GPLD1: variants seen among roughly 807,000 people sequenced by gnomAD.
The protein encoded by GPLD1 is phosphatidylinositol-glycan-specific phospholipase D.
GPLD1 carries 84 observed loss-of-function variants against 112.6 expected under a neutral mutation model. The observed-to-expected ratio is 0.75, with a 90% CI of 0.63 to 0.89. The LOEUF is 0.89. Among genes scored for constraint, GPLD1 ranks in the 40% least tolerant of loss-of-function variants. GPLD1 has a pLI of 0.00. For missense variants in GPLD1, 1,044 were observed against 1,051.5 expected (o/e 0.99, Z 0.10); for synonymous variants, 386 against 403.8 (o/e 0.96, Z 0.53).
At chr6:24,463,355 T>A (rs1210978233) in intron 10 of GPLD1, among the ~76,000 whole-genome samples, 2 of 152,176 alleles carry the variant, frequency 1.3e-5, no homozygotes, top group Non-Finnish European at 2.9e-5. Flanking sequence ...AAGAAGAGTA[T>A]TCTGGAATGA....
chr6:24,466,143 C>T (rs923023475), intron 10 of GPLD1, among the ~76,000 whole-genome samples: 3 of 152,242 alleles, frequency 2.0e-5, no homozygotes, highest in Admixed American at 2.0e-4. Flanking sequence ...CCAGGAGTTT[C>T]AGGCCAGCCT....
intron 24 of GPLD1, among the ~76,000 whole-genome samples, chr6:24,432,745 T>A (rs565173527): frequency 1.3e-5 from 2 of 152,162 alleles, no homozygotes; most frequent in African/African-American, 2.4e-5. Context: ...GGCATCAGTC[T>A]CCAAAGCAAC....
chr6:24,470,978 C>T (rs192647226), intron 7 of GPLD1, among the ~76,000 whole-genome samples: 1 of 152,132 alleles, frequency 6.6e-6, no homozygotes, highest in South Asian at 2.1e-4. Flanking sequence ...CAAAGTTTTT[C>T]TTGGAACATG....
At chr6:24,479,485 G>A (rs1037817738) in intron 3 of GPLD1, among the ~76,000 whole-genome samples, 2 of 152,194 alleles carry the variant, frequency 1.3e-5, no homozygotes, top group African/African-American at 4.8e-5. Context: ...AGGGCAGGCA[G>A]GACAATCCAG....
chr6:24,428,867 C>G lies in GPLD1; in HGVS notation c.*165G>C. On this transcript the variant is annotated 3_prime_UTR_variant, in exon 25 of 25. Transcript: ENST00000230036. Reference sequence around the variant, plus strand: ...GTCATATATTTACTGTATCAGATTTCCAGAGGGTGTGGCTGTTAGTGTGTC... The same window carrying G: ...GTCATATATTTACTGTATCAGATTTGCAGAGGGTGTGGCTGTTAGTGTGTC... 1 of 487,108 alleles carries G rather than the reference C, an allele frequency of 2.1e-6. No individual in the cohort carries two copies. The highest frequency in any genetic ancestry group is 3.7e-6 in the Non-Finnish European group (1 of 270,974). 30.2% of individuals were successfully genotyped at this position (487,108 alleles called of 1,614,324 possible).
At chr6:24,468,629 C>T (rs189541973) in intron 7 of GPLD1, among the ~76,000 whole-genome samples, 37 of 151,952 alleles carry the variant, frequency 2.4e-4, no homozygotes, top group African/African-American at 8.9e-4. Flanking sequence ...TATCGGTTCA[C>T]CGCAACCTCC....
upstream of GPLD1, among the ~76,000 whole-genome samples, chr6:24,494,281 G>A (rs1264204286): frequency 6.6e-6 from 1 of 152,142 alleles, no homozygotes; most frequent in Non-Finnish European, 1.5e-5. Context: ...TTTTATAAGT[G>A]ACTGGACTAA....
intron 11 of GPLD1, among the ~76,000 whole-genome samples, chr6:24,461,910 T>C (rs1763450314): frequency 6.6e-6 from 1 of 152,200 alleles, no homozygotes; most frequent in African/African-American, 2.4e-5. Flanking sequence ...ATACACATAT[T>C]TGTAATATTA....
chr6:24,471,267 G>T (rs1763809221), intron 7 of GPLD1, among the ~76,000 whole-genome samples: 3 of 152,150 alleles, frequency 2.0e-5, no homozygotes, highest in African/African-American at 7.2e-5. Context: ...GGCCAAGGTG[G>T]GCGGATCACT....
chr6:24,454,283 C>A, intron 13 of GPLD1, 82 bp from the exon 14 acceptor site: 2 of 966,508 alleles, frequency 2.1e-6, no homozygotes, highest in Non-Finnish European at 2.9e-6. Context: ...CTTTCTAGAG[C>A]CCAGTCCATT....
rs752115357 is a variant in GPLD1 at position 24,433,233 on chromosome 6, C to T, written c.2390G>A (p.Ser797Asn). The change falls in exon 24 of 25, where the codon AGC becomes AAC. Residue 797 changes from serine (S) to asparagine (N), a missense_variant. By Grantham distance (46) the Ser-to-Asn change is conservative. Coordinates refer to ENST00000230036, the MANE Select transcript of GPLD1 (RefSeq NM_001503.4). ...GATGAGGGAGCTCCCAAACCTTGAGCTGGCCTGTAAAACATGCCGTCTGTT... is the reference window on the plus strand; with the variant it reads ...GATGAGGGAGCTCCCAAACCTTGAGTTGGCCTGTAAAACATGCCGTCTGTT... ...AQYVLISPEA[S>N]SRFGSSLITV... The T allele has an allele frequency of 1.2e-6, 2 of 1,612,984 alleles. No individual in the cohort carries two copies.
downstream of GPLD1, chr6:24,424,523 T>C (rs899050043): frequency 5.9e-5 from 9 of 152,230 alleles, no homozygotes; most frequent in African/African-American, 1.4e-4. Flanking sequence ...ATGAGCTTCC[T>C]AAAACATGAG....
rs760281417 is a variant in GPLD1 at position 24,436,715 on chromosome 6, G to A, written c.2219C>T (p.Pro740Leu). ...AGAGGTTACATCTGCTATCCTCAGG[G>A]GGGCTGCCATGATGATTTCATCTGA... is the stretch of plus-strand genomic sequence containing the variant. ...DGLDEIIMAA[P>L]LRIADVTSGL... The change falls in exon 22 of 25, where the codon CCC becomes CTC. Residue 740 changes from proline to leucine, a missense_variant. Transcript: ENST00000230036. 5 of 1,613,738 alleles carry A rather than the reference G, an allele frequency of 3.1e-6. No homozygotes were observed. Among genetic ancestry groups the A allele is most frequent in the Non-Finnish European group, 3.4e-6 (4 of 1,179,932 alleles).
intron 2 of GPLD1, among the ~76,000 whole-genome samples, chr6:24,482,884 G>A (rs955393718): frequency 6.6e-6 from 1 of 152,156 alleles, no homozygotes. Context: ...GGTTGAGGAT[G>A]CAGTGAGCCA....
rs917832695 is a variant in GPLD1, at chr6:24,427,238, C to T, written c.*1794G>A. Among the ~76,000 whole-genome samples, 2 of 152,214 alleles carry T rather than the reference C, an allele frequency of 1.3e-5. No individual in the cohort carries two copies. The highest frequency in any genetic ancestry group is 2.9e-5 in the Non-Finnish European group (2 of 68,046). ...CCCTTAAGTGTGCCACGCTGCAGGA[C>T]TGACAAATGAAATCCATCCTACGAA... On this transcript the variant is annotated 3_prime_UTR_variant, in exon 25 of 25. Coordinates refer to ENST00000230036, the MANE Select transcript of GPLD1 (RefSeq NM_001503.4).
chr6:24,470,685 G>A (rs774230267), intron 7 of GPLD1, among the ~76,000 whole-genome samples: 13 of 152,008 alleles, frequency 8.6e-5, no homozygotes, highest in African/African-American at 1.7e-4. Flanking sequence ...TGAAACCTCC[G>A]CCTCCCAGGT....
chr6:24,491,074 C>T (rs1187685133), upstream of GPLD1, among the ~76,000 whole-genome samples: 6 of 152,140 alleles, frequency 3.9e-5, no homozygotes, highest in South Asian at 6.2e-4. Context: ...CATGAACTGA[C>T]GCTCCCATGT....
At position 24,454,114 on chromosome 6, in the gene GPLD1, G is replaced by A. The variant is rs763300654; in HGVS notation, c.1236C>T (p.His412=). The stretch of plus-strand genomic sequence containing the variant: ...CGTAGATGAGGTACACGCGCCCGAT[G>A]TGGATGTGGCCGGGGCGGCTGTAGC... ...APGYSRPGHI[H]IGRVYLIYGN... The change falls in exon 14 of 25, where the codon CAC becomes CAT. Residue 412 remains histidine (H), a synonymous_variant. Coordinates refer to ENST00000230036, the MANE Select transcript of GPLD1 (RefSeq NM_001503.4). The A allele has an allele frequency of 1.6e-5, 26 of 1,614,114 alleles. No homozygotes were observed. The highest frequency in any genetic ancestry group is 3.3e-4 in the Middle Eastern group (2 of 6,060).
intron 12 of GPLD1, 53 bp downstream of exon 12, chr6:24,460,226 G>A (rs979295120): frequency 6.2e-7 from 1 of 1,602,188 alleles, no homozygotes; most frequent in Non-Finnish European, 8.5e-7. Context: ...GCGAAACAAG[G>A]TATCTCAAGA....
Sources: allele counts gnomAD v4.1 joint callset (sites outside exome capture counted in the v4.1 genomes callset), GRCh38; gene constraint gnomAD v4.1.1; transcripts MANE v1.5; gene names NCBI Gene and HGNC (gene_info 2026-07-23, HGNC 2026-07-21).